SLC14A2: variants seen among roughly 807,000 people sequenced by gnomAD.
SLC14A2 encodes the protein urea transporter 2.
SLC14A2 carries 91 observed loss-of-function variants against 104.6 expected under a neutral mutation model. The ratio of observed to expected loss-of-function variants is 0.87; its 90% confidence interval spans 0.73 to 1.04. The LOEUF is 1.04. Among genes scored for constraint, SLC14A2 ranks in the 50% least tolerant of loss-of-function variants. The pLI is 0.00. For missense variants in SLC14A2, 1,189 were observed against 1,156.0 expected (o/e 1.03, Z -0.41); for synonymous variants, 476 against 466.4 (o/e 1.02, Z -0.27).
At chr18:45,548,775 G>A (rs1448758690) in intron 2 of SLC14A2, among the ~76,000 whole-genome samples, 1 of 152,210 alleles carries the variant, frequency 6.6e-6, no homozygotes, top group Non-Finnish European at 1.5e-5. Flanking sequence ...CACTGCCCTT[G>A]CTGTATACAA....
intron 1 of SLC14A2, among the ~76,000 whole-genome samples, chr18:45,292,580 C>T (rs2084880629): frequency 6.6e-6 from 1 of 152,200 alleles, no homozygotes; most frequent in African/African-American, 2.4e-5. Flanking sequence ...CAGTTGTACC[C>T]AGACCAGATG....
chr18:45,484,424 A>G (rs1342299176), intron 2 of SLC14A2, among the ~76,000 whole-genome samples: 4 of 152,214 alleles, frequency 2.6e-5, no homozygotes, highest in African/African-American at 9.7e-5. Context: ...AGGAAAGATC[A>G]TAGCATTAGA....
chr18:45,507,050 A>G (rs985166577), intron 2 of SLC14A2, among the ~76,000 whole-genome samples: 2 of 152,234 alleles, frequency 1.3e-5, no homozygotes, highest in Non-Finnish European at 2.9e-5. Flanking sequence ...GGAGATGGAC[A>G]GGACAAGGTC....
chr18:45,491,416 A>G (rs1445540598), intron 2 of SLC14A2, among the ~76,000 whole-genome samples: 1 of 152,242 alleles, frequency 6.6e-6, no homozygotes, highest in Non-Finnish European at 1.5e-5. Flanking sequence ...TGCATAATAG[A>G]AGCATAAAAA....
chr18:45,494,672 G>C (rs2043060920), intron 2 of SLC14A2, among the ~76,000 whole-genome samples: 1 of 151,930 alleles, frequency 6.6e-6, no homozygotes, highest in South Asian at 2.1e-4. Context: ...CAAAGCGCTG[G>C]GATTACAGGT....
chr18:45,429,643 T>A (rs2086484474), intron 1 of SLC14A2, among the ~76,000 whole-genome samples: 1 of 152,186 alleles, frequency 6.6e-6, no homozygotes, highest in South Asian at 2.1e-4. Context: ...AATCATATTT[T>A]TATGTACATT....
At chr18:45,667,759 C>A in intron 13 of SLC14A2, 74 bp from the exon 14 acceptor site, 1 of 1,234,694 alleles carries the variant, frequency 8.1e-7, no homozygotes. Flanking sequence ...CAGATTCCCT[C>A]ACACCCTCCA....
At chr18:45,261,721 C>T (rs1334059475) in intron 1 of SLC14A2, among the ~76,000 whole-genome samples, 1 of 152,114 alleles carries the variant, frequency 6.6e-6, no homozygotes, top group Non-Finnish European at 1.5e-5. Context: ...ATCCATGTCC[C>T]TACAAAGGAC....
chr18:45,507,737 CT>C (rs1439807156), intron 2 of SLC14A2, among the ~76,000 whole-genome samples: 1 of 152,160 alleles, frequency 6.6e-6, no homozygotes, highest in East Asian at 1.9e-4. Context: ...GACTTTTAAG[CT>C]ACTTGAGAAA....
rs567734025 is a variant in SLC14A2, at chr18:45,399,328, G to A, written c.-124-83905G>A. Among the ~76,000 whole-genome samples the A allele has an allele frequency of 5.3e-5, 8 of 152,294 alleles. No homozygotes were observed. In the South Asian group the frequency reaches 1.7e-3, roughly 32 times the overall value. Reference sequence around the variant, plus strand: ...AGGCCTTAGTTGAGGTGCTTCAAGAGGCAAGCTTGCAGTGCTGAGCGTGAG... The same window carrying A: ...AGGCCTTAGTTGAGGTGCTTCAAGAAGCAAGCTTGCAGTGCTGAGCGTGAG... On this transcript the variant is annotated intron_variant, in intron 1 of 20. Coordinates refer to the SLC14A2 transcript ENST00000586448.
intron 17 of SLC14A2, 55 bp from the exon 18 acceptor site, chr18:45,673,628 C>A: frequency 6.3e-7 from 1 of 1,576,788 alleles, no homozygotes; most frequent in Non-Finnish European, 8.7e-7. Flanking sequence ...TCAGGGCCAG[C>A]AGATGGGCCC....
chr18:45,227,352 G>T (rs914236779), intron 1 of SLC14A2, among the ~76,000 whole-genome samples: 2 of 152,200 alleles, frequency 1.3e-5, no homozygotes, highest in African/African-American at 4.8e-5. Flanking sequence ...GAGTATCTCA[G>T]TCCATTTGTG....
chr18:45,343,187 C>T (rs1446044416), intron 1 of SLC14A2, among the ~76,000 whole-genome samples: 1 of 149,442 alleles, frequency 6.7e-6, no homozygotes, highest in Non-Finnish European at 1.5e-5. Flanking sequence ...CCTAACCCAA[C>T]TCCAAGGGAA....
intron 2 of SLC14A2, among the ~76,000 whole-genome samples, chr18:45,594,215 T>C (rs2044691843): frequency 6.6e-6 from 1 of 152,204 alleles, no homozygotes; most frequent in Non-Finnish European, 1.5e-5. Context: ...TAGTCACTGC[T>C]ACAGCAGAGG....
At chr18:45,308,927 C>A (rs545451633) in intron 1 of SLC14A2, among the ~76,000 whole-genome samples, 8 of 152,092 alleles carry the variant, frequency 5.3e-5, no homozygotes, top group Non-Finnish European at 1.2e-4. Flanking sequence ...GCACAGGAGG[C>A]ATTTTGGAAA....
the SLC14A2 span, among the ~76,000 whole-genome samples, chr18:45,197,052 C>G: frequency 0.9 from 136,431 of 152,216 alleles, 61,180 homozygotes; most frequent in Middle Eastern, 0.94. Context: ...AAAAAGGTAG[C>G]GGCTCTTCAG....
chr18:45,623,381 G>T (rs937853501), intron 1 of SLC14A2, among the ~76,000 whole-genome samples: 4 of 152,184 alleles, frequency 2.6e-5, no homozygotes, highest in South Asian at 2.1e-4. Context: ...TACTGGAGGG[G>T]GATGAAGATG....
upstream of SLC14A2, among the ~76,000 whole-genome samples, chr18:45,208,970 G>A (rs1369996755): frequency 6.7e-6 from 1 of 150,148 alleles, no homozygotes. Flanking sequence ...ATTTTGAGAT[G>A]TATGATCAAA....
intron 1 of SLC14A2, among the ~76,000 whole-genome samples, chr18:45,333,903 G>A (rs529666406): frequency 6.6e-6 from 1 of 152,322 alleles, no homozygotes; most frequent in African/African-American, 2.4e-5. Context: ...AACTTAAAAA[G>A]TGTCTGTTGA....
Sources: gnomAD v4.1 joint callset for allele counts (sites outside exome capture counted in the v4.1 genomes callset) on GRCh38, gnomAD v4.1.1 for gene constraint, MANE v1.5 for transcripts, NCBI Gene and HGNC (gene_info 2026-07-23, HGNC 2026-07-21) for gene names.